The following FMO2 variants were observed in gnomAD, a reference collection of about 807,000 sequenced individuals.
The protein encoded by FMO2 is flavin-containing monooxygenase 2.
Under a neutral mutation model 41.6 loss-of-function variants are expected in FMO2, and 33 were observed. The observed-to-expected ratio is 0.79, with a 90% CI of 0.60 to 1.06. FMO2 has a LOEUF of 1.06. FMO2 is among the 50% of genes least tolerant of loss of function. The pLI, the probability that FMO2 is intolerant of heterozygous loss-of-function variation, is 0.00. For synonymous variants in FMO2, 214 were observed against 219.6 expected, an observed-to-expected ratio of 0.97 and a Z score of 0.23; for missense variants, 619 against 632.9, an observed-to-expected ratio of 0.98 and a Z score of 0.23.
At chr1:171,187,549 T>C (rs1470358265) in intron 2 of FMO2, among the ~76,000 whole-genome samples, 1 of 148,360 alleles carries the variant, frequency 6.7e-6, no homozygotes, top group Non-Finnish European at 1.5e-5. Flanking sequence ...GACAGGGTCC[T>C]ACTCTGTCAC....
At chr1:171,191,103 A>G (rs527990839) in intron 2 of FMO2, among the ~76,000 whole-genome samples, 11 of 152,080 alleles carry the variant, frequency 7.2e-5, no homozygotes, top group South Asian at 6.2e-4. Flanking sequence ...CGAGATCATG[A>G]CATTGCACTC....
chr1:171,201,960 T>C (rs1472753169), intron 5 of FMO2, among the ~76,000 whole-genome samples: 1 of 152,178 alleles, frequency 6.6e-6, no homozygotes, highest in Non-Finnish European at 1.5e-5. Context: ...GTGGGGATTA[T>C]TATAATTTAA....
Position 171,196,821 on chromosome 1 carries a change from G to C in FMO2, c.484+10G>C. On this transcript the variant is annotated intron_variant, in intron 4 of 8. Coordinates refer to ENST00000209929, the MANE Select transcript of FMO2 (RefSeq NM_001460.5). ...CTGAAGTCATTTCCAGGTGAGACCC[G>C]CTGGGATTCCCAGCTTTTTGGAGTA... is the stretch of plus-strand genomic sequence containing the variant. 1 of 1,608,488 alleles carries C rather than the reference G, an allele frequency of 6.2e-7. No individual in the cohort carries two copies. Among genetic ancestry groups the C allele is most frequent in the Non-Finnish European group, 8.5e-7 (1 of 1,176,966 alleles).
intron 4 of FMO2, among the ~76,000 whole-genome samples, chr1:171,197,023 C>T (rs1226302693): frequency 2.0e-5 from 3 of 152,188 alleles, no homozygotes; most frequent in Admixed American, 2.0e-4. Context: ...GAGCCAACTT[C>T]CTTGGAAGTC....
At position 171,197,467 on chromosome 1, in the gene FMO2, TAC is replaced by T. The variant is rs1658351073; in HGVS notation, c.484+658_484+659del. Among the ~76,000 whole-genome samples the T allele has an allele frequency of 2.6e-5, 4 of 152,316 alleles. No homozygotes were observed. In the South Asian group the frequency reaches 8.3e-4, roughly 32 times the overall value. On this transcript the variant is annotated intron_variant, in intron 4 of 8. Transcript: ENST00000209929. ...AAAGTTTGCTCAGGTGATTTTAATA[TAC>T]AGTCAGGATTAAGGCCTGCTCATCT...
chr1:171,205,272 G>A lies in FMO2; in HGVS notation c.828-7G>A. 1 of 1,542,294 alleles carries A rather than the reference G, an allele frequency of 6.5e-7. No homozygotes were observed. The highest frequency in any genetic ancestry group is 1.1e-5 in the South Asian group (1 of 88,038). On this transcript the variant is annotated splice_region_variant and splice_polypyrimidine_tract_variant and intron_variant, in intron 6 of 8. Coordinates refer to ENST00000209929, the MANE Select transcript of FMO2 (RefSeq NM_001460.5). ...CCTTCAGAATGTTTTTCTTCTGTAT[G>A]TCTCAGATACATTATGAAGGAACCT... is the stretch of plus-strand genomic sequence containing the variant.
chr1:171,197,173 C>A (rs577384105), intron 4 of FMO2, among the ~76,000 whole-genome samples: 102 of 152,296 alleles, frequency 6.7e-4, no homozygotes, highest in Admixed American at 1.5e-3. Context: ...TACTCACACA[C>A]AAGGGGAGAG....
chr1:171,208,681 A>G, intron 8 of FMO2, 113 bp from the exon 9 acceptor site: 1 of 974,624 alleles, frequency 1.0e-6, no homozygotes, highest in Non-Finnish European at 1.5e-6. Flanking sequence ...ATTCATTGAA[A>G]ACTCATTCAC....
intron 5 of FMO2, among the ~76,000 whole-genome samples, chr1:171,200,393 C>T (rs1658486116): frequency 6.6e-6 from 1 of 152,142 alleles, no homozygotes. Flanking sequence ...ACTAAACATC[C>T]TTTCCCAAAG....
At position 171,209,988 on chromosome 1, in the gene FMO2, G is replaced by C. The variant is rs995001286; in HGVS notation, c.*843G>C. ...GCAGCTGGAATTGGAACTCAGATTT[G>C]TTGAACTCTAGAACTAAAGATCATA... On this transcript the variant is annotated 3_prime_UTR_variant, in exon 9 of 9. Transcript: ENST00000209929. 2.0e-5 allele frequency: 3 copies of C among 152,084 alleles called. No homozygotes were observed. The highest frequency in any genetic ancestry group is 4.4e-5 in the Non-Finnish European group (3 of 67,988). The allele number at this position is 152,084 out of a possible 1,614,324, so 9.4% of individuals were successfully genotyped here. A position where few individuals can be genotyped will look rare whatever the true frequency, so the allele number is the denominator to read the frequency against.
chr1:171,200,612 G>A (rs1471803735), intron 5 of FMO2, among the ~76,000 whole-genome samples: 1 of 152,176 alleles, frequency 6.6e-6, no homozygotes, highest in Admixed American at 6.5e-5. Flanking sequence ...GGTTAATGAA[G>A]GGGTTATACT....
At chr1:171,196,615 A>G in intron 3 of FMO2, 34 bp from the exon 4 acceptor site, 1 of 1,602,878 alleles carries the variant, frequency 6.2e-7, no homozygotes, top group Non-Finnish European at 8.5e-7. Flanking sequence ...TCCTGGAGTA[A>G]TTCTCAATGA....
intron 8 of FMO2, among the ~76,000 whole-genome samples, chr1:171,208,070 A>G (rs1658838220): frequency 6.6e-6 from 1 of 152,170 alleles, no homozygotes; most frequent in Non-Finnish European, 1.5e-5. Context: ...TCAGTTGTAT[A>G]TGATGCCTAT....
chr1:171,190,853 G>C (rs1658052288), intron 2 of FMO2, among the ~76,000 whole-genome samples: 1 of 152,158 alleles, frequency 6.6e-6, no homozygotes, highest in South Asian at 2.1e-4. Flanking sequence ...AACAATAAAA[G>C]TTTATCACTT....
intron 6 of FMO2, 45 bp downstream of exon 6, chr1:171,204,109 A>G (rs1361882520): frequency 7.2e-7 from 1 of 1,398,452 alleles, no homozygotes. Context: ...TTGGTGAGCA[A>G]AGTTGTCTGA....
chr1:171,209,877 T>G lies in FMO2; in HGVS notation c.*732T>G, dbSNP rs1658913196. Reference sequence around the variant, plus strand: ...TCATATGTATTATTTCATTTAATTCTCACAACAATTCTGTGAAATGGTTAC... The same window carrying G: ...TCATATGTATTATTTCATTTAATTCGCACAACAATTCTGTGAAATGGTTAC... On this transcript the variant is annotated 3_prime_UTR_variant, in exon 9 of 9. Coordinates refer to ENST00000209929, the MANE Select transcript of FMO2 (RefSeq NM_001460.5). 1 of 152,204 alleles carries G rather than the reference T, an allele frequency of 6.6e-6. No homozygotes were observed. The highest frequency in any genetic ancestry group is 2.1e-4 in the South Asian group (1 of 4,832). 9.4% of individuals were successfully genotyped at this position (152,204 alleles called of 1,614,324 possible). A position where few individuals can be genotyped will look rare whatever the true frequency, so the allele number is the denominator to read the frequency against.
chr1:171,191,692 C>T (rs1658086926), intron 2 of FMO2, among the ~76,000 whole-genome samples: 1 of 151,786 alleles, frequency 6.6e-6, no homozygotes, highest in Admixed American at 6.6e-5. Flanking sequence ...GGTGTGACTC[C>T]AGAACCCTCC....
Position 171,205,466 on chromosome 1 carries a change from G to A in FMO2, c.1015G>A (p.Glu339Lys). The change falls in exon 7 of 9, where the codon GAA (glutamate) becomes AAA (lysine). Residue 339 changes from glutamate to lysine, a missense_variant. Transcript: ENST00000209929. ...TGYSFSFPFL[E>K]DSLVKVENNM... ...ATATAGTTTCTCTTTTCCCTTCCTT[G>A]AAGATTCACTCGTTAAAGTAGAGAA... 6.2e-7 allele frequency: 1 copy of A among 1,613,802 alleles called. No individual in the cohort carries two copies. The highest frequency in any genetic ancestry group is 1.1e-5 in the South Asian group (1 of 91,072).
At chr1:171,202,618 C>G (rs749261765) in intron 5 of FMO2, among the ~76,000 whole-genome samples, 29 of 152,204 alleles carry the variant, frequency 1.9e-4, no homozygotes, top group Non-Finnish European at 4.4e-5. Flanking sequence ...GAGGTAGGTA[C>G]TGTTAATACC....
Sources: allele counts gnomAD v4.1 joint callset (sites outside exome capture counted in the v4.1 genomes callset), GRCh38; gene constraint gnomAD v4.1.1; transcripts MANE v1.5; gene names NCBI Gene and HGNC (gene_info 2026-07-23, HGNC 2026-07-21).